EML1: variants seen among roughly 807,000 people sequenced by gnomAD.
EML1 encodes EMAP like 1.
EML1 carries 27 observed loss-of-function variants against 110.4 expected under a neutral mutation model. That is an observed-to-expected ratio of 0.24 (90% confidence interval 0.18 to 0.34). The LOEUF (loss-of-function observed/expected upper bound fraction) is 0.34, where lower values mean the gene tolerates loss of function less well. Ranked by LOEUF, EML1 falls within the 10% of genes least tolerant of loss-of-function variation. The probability of loss-of-function intolerance (pLI) is 1.00; values close to 1 mark genes in which losing one functional copy is unlikely to be tolerated. For synonymous variants in EML1, 344 were observed against 385.8 expected (o/e 0.89, Z 1.27); for missense variants, 741 against 1,030.9 (o/e 0.72, Z 3.85).
intron 4 of EML1, among the ~76,000 whole-genome samples, chr14:99,889,028 C>T (rs59927288): frequency 0.046 from 7,062 of 152,188 alleles, 586 homozygotes; most frequent in African/African-American, 0.16. Flanking sequence ...GAGAGACCCA[C>T]GGAGGCAGAG....
intron 4 of EML1, among the ~76,000 whole-genome samples, chr14:99,879,962 G>T (rs1304380119): frequency 2.0e-5 from 3 of 152,162 alleles, no homozygotes; most frequent in South Asian, 4.2e-4. Context: ...GTAAACTCCA[G>T]ATCCATTTTA....
chr14:99,932,394 T>C (rs1003458233), intron 17 of EML1, among the ~76,000 whole-genome samples: 11 of 151,978 alleles, frequency 7.2e-5, no homozygotes, highest in Admixed American at 3.3e-4. Context: ...TCCCAGCACT[T>C]TGGGAGGCCG....
chr14:99,792,921 T>C (rs1161964837), upstream of EML1: 3 of 152,040 alleles, frequency 2.0e-5, no homozygotes, highest in African/African-American at 7.2e-5. Context: ...GCGTTGTCCA[T>C]GTTTGGTCGT....
intron 2 of EML1, among the ~76,000 whole-genome samples, chr14:99,861,412 T>C (rs1047529671): frequency 2.6e-5 from 4 of 152,106 alleles, no homozygotes; most frequent in Non-Finnish European, 5.9e-5. Flanking sequence ...TAATACACAG[T>C]TTTGTTGTTG....
intron 4 of EML1, among the ~76,000 whole-genome samples, chr14:99,879,899 C>T (rs1244091061): frequency 6.6e-6 from 1 of 152,188 alleles, no homozygotes; most frequent in African/African-American, 2.4e-5. Flanking sequence ...GACTTGGCTC[C>T]TCCTCTGCAC....
chr14:99,767,427 C>A (rs991602267), intron 1 of EML1, among the ~76,000 whole-genome samples: 1 of 152,210 alleles, frequency 6.6e-6, no homozygotes, highest in Non-Finnish European at 1.5e-5. Context: ...CATGGTGAAG[C>A]CCCAACTCTA....
chr14:99,870,882 G>A (rs953385078), intron 3 of EML1, among the ~76,000 whole-genome samples: 7 of 152,172 alleles, frequency 4.6e-5, no homozygotes, highest in African/African-American at 1.7e-4. Context: ...ATGTTTTTAT[G>A]CTGGCTCACA....
At chr14:99,878,352 G>A (rs2059328524) in intron 3 of EML1, 133 bp from the exon 4 acceptor site, 3 of 1,348,054 alleles carry the variant, frequency 2.2e-6, no homozygotes, top group Non-Finnish European at 3.0e-6. Flanking sequence ...AAAGCTTTTT[G>A]ATCTCCGTTG....
At chr14:99,755,553 G>T in intron 1 of EML1, among the ~76,000 whole-genome samples, 1 of 152,200 alleles carries the variant, frequency 6.6e-6, no homozygotes, top group East Asian at 1.9e-4. Context: ...CTGTGGAGGG[G>T]AGAGCTGGGG....
chr14:99,917,891 GA>G, intron 16 of EML1, 42 bp downstream of exon 16: 1 of 1,599,826 alleles, frequency 6.3e-7, no homozygotes, highest in Non-Finnish European at 8.6e-7. Flanking sequence ...AAAGCTTATG[GA>G]AAAGAGGCCT....
intron 4 of EML1, among the ~76,000 whole-genome samples, chr14:99,878,903 C>T (rs2059339404): frequency 2.0e-5 from 3 of 152,136 alleles, no homozygotes; most frequent in Admixed American, 2.0e-4. Context: ...GTACCAAGTA[C>T]CTAGAACTGG....
chr14:99,770,408 T>TATCTATCTATCTATCTATC (rs58657462), upstream of EML1, among the ~76,000 whole-genome samples: 5 of 151,942 alleles, frequency 3.3e-5, no homozygotes, highest in Admixed American at 2.0e-4. Context: ...TCTATCTATC[T>TATCTATCTATCTATCTATC]TTTTTATTTT....
At chr14:99,909,707 C>T (rs1331911508) in intron 11 of EML1, among the ~76,000 whole-genome samples, 1 of 152,128 alleles carries the variant, frequency 6.6e-6, no homozygotes, top group African/African-American at 2.4e-5. Flanking sequence ...ACCAAGCCTC[C>T]CACAGTGGCA....
At chr14:99,907,130 C>T (rs2059862026) in intron 9 of EML1, 1 of 153,330 alleles carries the variant, frequency 6.5e-6, no homozygotes, top group African/African-American at 2.4e-5. Context: ...CCATCATTTA[C>T]CTGCTCTTTC....
chr14:99,761,350 G>A (rs904540896), intron 1 of EML1, among the ~76,000 whole-genome samples: 4 of 152,150 alleles, frequency 2.6e-5, no homozygotes. Flanking sequence ...TTTGTGGAGT[G>A]GCTGTTTGAC....
chr14:99,744,291 G>A (rs1017345601), intron 1 of EML1, among the ~76,000 whole-genome samples: 2 of 152,050 alleles, frequency 1.3e-5, no homozygotes, highest in Non-Finnish European at 2.9e-5. Flanking sequence ...GTCCCTACAC[G>A]GTGACCCAGT....
At chr14:99,850,762 TG>T in intron 1 of EML1, 90 bp from the exon 2 acceptor site, 5 of 1,386,802 alleles carry the variant, frequency 3.6e-6, no homozygotes, top group Non-Finnish European at 5.0e-6. Context: ...GTTAAAACAA[TG>T]GGCTTAAAAC....
intron 1 of EML1, among the ~76,000 whole-genome samples, chr14:99,786,455 G>A (rs1312248560): frequency 2.0e-5 from 3 of 152,204 alleles, no homozygotes; most frequent in Non-Finnish European, 4.4e-5. Context: ...TGGGCATTAG[G>A]GGTATATCAT....
At chr14:99,881,131 C>T (rs2059378218) in intron 4 of EML1, among the ~76,000 whole-genome samples, 1 of 152,242 alleles carries the variant, frequency 6.6e-6, no homozygotes, top group Non-Finnish European at 1.5e-5. Flanking sequence ...CTTGCGATCC[C>T]AGCCTGCCCG....
Sources: gnomAD v4.1 joint callset for allele counts (sites outside exome capture counted in the v4.1 genomes callset) on GRCh38, gnomAD v4.1.1 for gene constraint, MANE v1.5 for transcripts, NCBI Gene and HGNC (gene_info 2026-07-23, HGNC 2026-07-21) for gene names.